The following CCDC83 variants were observed in gnomAD, a reference collection of about 807,000 sequenced individuals.
CCDC83 encodes coiled-coil domain-containing protein 83.
CCDC83 carries 54 observed loss-of-function variants against 50.1 expected under a neutral mutation model. The ratio of observed to expected loss-of-function variants is 1.08; its 90% CI spans 0.87 to 1.35. CCDC83 has a LOEUF of 1.35. Among genes scored for constraint, CCDC83 ranks in the 40% most tolerant of loss-of-function variants. The pLI is 0.00. For synonymous variants in CCDC83, 161 were observed against 153.3 expected (o/e 1.05, Z -0.37); for missense variants, 518 against 473.9 (o/e 1.09, Z -0.86).
intron 1 of CCDC83, among the ~76,000 whole-genome samples, chr11:85,864,549 T>C (rs2093196113): frequency 6.6e-6 from 1 of 152,190 alleles, no homozygotes. Flanking sequence ...TATTCGCATG[T>C]GTAAATCTCA....
rs747023194 is a variant in CCDC83, at chr11:85,919,444, A to T, written c.1176A>T (p.Lys392Asn). 1.2e-6 allele frequency: 2 copies of T among 1,613,092 alleles called. No homozygotes were observed. Among genetic ancestry groups the T allele is most frequent in the Non-Finnish European group, 1.7e-6 (2 of 1,179,228 alleles). ...IHFQEKEIPV[K>N]LYKDVRSPES... ...TTCAAGAGAAGGAAATTCCAGTCAAACTCTATAAAGATGTCAGGAGCCCAG... is the reference window on the plus strand; with the variant it reads ...TTCAAGAGAAGGAAATTCCAGTCAATCTCTATAAAGATGTCAGGAGCCCAG... The change falls in exon 11 of 11, where the codon AAA becomes AAT. Residue 392 changes from lysine to asparagine, a missense_variant. By Grantham distance (94) the Lys-to-Asn change is moderately conservative. Transcript: ENST00000342404.
intron 5 of CCDC83, among the ~76,000 whole-genome samples, chr11:85,891,363 G>A (rs1309409447): frequency 6.6e-6 from 1 of 152,140 alleles, no homozygotes; most frequent in African/African-American, 2.4e-5. Flanking sequence ...AACACTTAGA[G>A]CTGCTTCCCT....
At chr11:85,885,305 C>T (rs1465453397) in intron 4 of CCDC83, among the ~76,000 whole-genome samples, 1 of 152,170 alleles carries the variant, frequency 6.6e-6, no homozygotes, top group Admixed American at 6.5e-5. Flanking sequence ...ATCACCCTGG[C>T]CTGATTGAAA....
At chr11:85,909,137 T>G (rs1269514911) in intron 7 of CCDC83, among the ~76,000 whole-genome samples, 6 of 152,190 alleles carry the variant, frequency 3.9e-5, no homozygotes, top group Non-Finnish European at 8.8e-5. Flanking sequence ...TGTTATTTGC[T>G]AAGAATTCCT....
At chr11:85,913,879 C>A (rs1361893201) in intron 8 of CCDC83, among the ~76,000 whole-genome samples, 1 of 152,174 alleles carries the variant, frequency 6.6e-6, no homozygotes, top group African/African-American at 2.4e-5. Flanking sequence ...TTTTCCATAT[C>A]ATTAAGTATC....
rs370665181 is a variant in CCDC83, at chr11:85,872,990, A to AT, written c.96-212dup. On this transcript the variant is annotated intron_variant, in intron 2 of 10. Coordinates refer to ENST00000342404, the MANE Select transcript of CCDC83 (RefSeq NM_001286159.2). Reference sequence around the variant, plus strand: ...TTATGACTATAAAACATGAACAGGGATTTTTTTTTCAAAAAAAAACAAACA... The same window carrying AT: ...TTATGACTATAAAACATGAACAGGGATTTTTTTTTTCAAAAAAAAACAAACA... Among the ~76,000 whole-genome samples the AT allele has an allele frequency of 7.1e-3, 1,065 of 150,672 alleles. 5 individuals carry two copies. Among genetic ancestry groups the AT allele is most frequent in the African/African-American group, 9.8e-3 (403 of 41,062 alleles).
intron 8 of CCDC83, chr11:85,912,746 G>A (rs2093460670): frequency 6.4e-7 from 1 of 1,566,658 alleles, no homozygotes; most frequent in African/African-American, 1.4e-5. Flanking sequence ...TTGCTGGTAT[G>A]TGGCTTCTAA....
At chr11:85,860,910 C>T (rs79734467) in intron 1 of CCDC83, among the ~76,000 whole-genome samples, 24,206 of 152,034 alleles carry the variant, frequency 0.16, 2,109 homozygotes, top group Middle Eastern at 0.2. Context: ...CATGTTCTCA[C>T]TATAAGTGCA....
At chr11:85,872,541 C>A (rs2093244826) in intron 2 of CCDC83, among the ~76,000 whole-genome samples, 1 of 152,068 alleles carries the variant, frequency 6.6e-6, no homozygotes, top group African/African-American at 2.4e-5. Context: ...CACGGCCTCC[C>A]AGAGTGCTGG....
chr11:85,901,238 A>G (rs778275614), intron 7 of CCDC83, among the ~76,000 whole-genome samples: 1 of 152,124 alleles, frequency 6.6e-6, no homozygotes, highest in African/African-American at 2.4e-5. Context: ...AAGGCATTTT[A>G]TTTATAAAAC....
At chr11:85,902,843 CAGCATGGGTTAT>C in intron 7 of CCDC83, among the ~76,000 whole-genome samples, 1 of 152,300 alleles carries the variant, frequency 6.6e-6, no homozygotes, top group East Asian at 1.9e-4. Flanking sequence ...TCATAGTATA[CAGCATGGGTTAT>C]AGCATGTTTA....
chr11:85,884,851 C>G (rs1188414910), intron 4 of CCDC83, among the ~76,000 whole-genome samples: 1 of 152,206 alleles, frequency 6.6e-6, no homozygotes, highest in Non-Finnish European at 1.5e-5. Context: ...AACTACCCAT[C>G]TGGCTTATAG....
At chr11:85,902,768 T>C (rs2135107345) in intron 7 of CCDC83, among the ~76,000 whole-genome samples, 1 of 152,276 alleles carries the variant, frequency 6.6e-6, no homozygotes, top group East Asian at 1.9e-4. Context: ...CTGCCACTTA[T>C]ACCAAAATCC....
chr11:85,881,668 C>A (rs1287059573), intron 3 of CCDC83, among the ~76,000 whole-genome samples: 1 of 152,190 alleles, frequency 6.6e-6, no homozygotes, highest in Non-Finnish European at 1.5e-5. Flanking sequence ...ATCCCCCCAG[C>A]TCTGCCTCCC....
Position 85,919,528 on chromosome 11 carries a change from G to A in CCDC83, c.*18G>A, listed in dbSNP as rs75323268. On this transcript the variant is annotated 3_prime_UTR_variant, in exon 11 of 11. Transcript: ENST00000342404. ...TTCTCTAAGACGGAAAGCTGCAAAGGAAACACAACTTTTCCTTATAAATGT... is the reference window on the plus strand; with the variant it reads ...TTCTCTAAGACGGAAAGCTGCAAAGAAAACACAACTTTTCCTTATAAATGT... The A allele has an allele frequency of 3.2e-3, 5,136 of 1,582,598 alleles. 150 individuals are homozygous for A. The African/African-American group carries it at 0.056, about 17-fold the overall frequency.
At chr11:85,881,167 G>C (rs1240180015) in intron 3 of CCDC83, among the ~76,000 whole-genome samples, 1 of 151,946 alleles carries the variant, frequency 6.6e-6, no homozygotes, top group South Asian at 2.1e-4. Context: ...TCAAGAGTTC[G>C]AGACCAGCCT....
At chr11:85,917,377 T>C (rs1474466236) in intron 10 of CCDC83, among the ~76,000 whole-genome samples, 1 of 152,166 alleles carries the variant, frequency 6.6e-6, no homozygotes, top group Non-Finnish European at 1.5e-5. Flanking sequence ...TACTGGTTGA[T>C]GTAGTTACAA....
chr11:85,892,491 G>A (rs1156884985), intron 5 of CCDC83, among the ~76,000 whole-genome samples: 2 of 152,322 alleles, frequency 1.3e-5, no homozygotes, highest in East Asian at 3.9e-4. Context: ...GAAGTTGGAA[G>A]AGAATAGATT....
At position 85,882,652 on chromosome 11, in the gene CCDC83, G is replaced by C. The variant is rs776106187; in HGVS notation, c.320G>C (p.Arg107Thr). The change falls in exon 4 of 11, where the codon AGA (arginine) becomes ACA (threonine). Residue 107 changes from arginine to threonine, a missense_variant. Arg to Thr is a moderately conservative substitution (Grantham distance 71). Transcript: ENST00000342404. ...EAMKEKWKFE[R>T]DQEKNLRDMR... ...ATGAAGGAAAAATGGAAGTTTGAAA[G>C]AGACCAGGAAAAAAACTTGAGAGGT... is the stretch of plus-strand genomic sequence containing the variant. 1 of 1,613,712 alleles carries C rather than the reference G, an allele frequency of 6.2e-7. No homozygotes were observed. The highest frequency in any genetic ancestry group is 2.2e-5 in the East Asian group (1 of 44,860).
Sources: allele counts gnomAD v4.1 joint callset (sites outside exome capture counted in the v4.1 genomes callset), GRCh38; gene constraint gnomAD v4.1.1; transcripts MANE v1.5; gene names NCBI Gene and HGNC (gene_info 2026-07-23, HGNC 2026-07-21).